SPATA6: variants seen among roughly 807,000 people sequenced by gnomAD.
SPATA6 encodes spermatogenesis associated 6.
A neutral mutation model predicts 65.3 loss-of-function variants in SPATA6; 56 were observed. That is an observed-to-expected ratio of 0.86 (90% confidence interval 0.69 to 1.07). SPATA6 has a LOEUF of 1.07. Among genes scored for constraint, SPATA6 ranks in the 50% least tolerant of loss-of-function variants. The pLI, the probability that SPATA6 is intolerant of heterozygous loss-of-function variation, is 0.00. For missense variants in SPATA6, 590 were observed against 594.8 expected (o/e 0.99, Z 0.08); for synonymous variants, 199 against 213.2 (o/e 0.93, Z 0.58).
chr1:48,318,811 G>C (rs981399060), intron 11 of SPATA6, among the ~76,000 whole-genome samples: 1 of 152,016 alleles, frequency 6.6e-6, no homozygotes, highest in Non-Finnish European at 1.5e-5. Flanking sequence ...ACCTAGAATA[G>C]TTATTCTTGA....
intron 5 of SPATA6, among the ~76,000 whole-genome samples, chr1:48,408,973 C>T (rs1200056371): frequency 6.6e-6 from 1 of 152,172 alleles, no homozygotes; most frequent in Non-Finnish European, 1.5e-5. Context: ...TCCCTGGACC[C>T]TCCCAAATCT....
rs1191679507 is a variant in SPATA6 at position 48,305,512 on chromosome 1, A to AT, written c.1286+274dup. Among the ~76,000 whole-genome samples the AT allele has an allele frequency of 3.3e-5, 5 of 152,094 alleles. 1 individual carries two copies. The highest frequency in any genetic ancestry group is 2.0e-4 in the Admixed American group (3 of 15,266). On this transcript the variant is annotated intron_variant, in intron 12 of 12. Coordinates refer to ENST00000371847, the MANE Select transcript of SPATA6 (RefSeq NM_019073.4). ...TTCATGGTGTAAAATTATAAGAACT[A>AT]TTTTTTATATTAAAATAAATACACA...
In SPATA6 at chr1:48,407,774, C is replaced by T. The variant is rs368766665; in HGVS notation, c.405+3690G>A. Among the ~76,000 whole-genome samples the T allele has an allele frequency of 1.8e-4, 28 of 152,120 alleles. 1 individual carries two copies. Among genetic ancestry groups the T allele is most frequent in the African/African-American group, 5.1e-4 (21 of 41,428 alleles). ...CTCTCAATCTCTTCAAACTGCCATT[C>T]GTAGAAGTCCTAATTTTTATATATT... On this transcript the variant is annotated intron_variant, in intron 5 of 12. Coordinates refer to ENST00000371847, the MANE Select transcript of SPATA6 (RefSeq NM_019073.4).
At chr1:48,392,444 CA>C (rs1557656971) in intron 8 of SPATA6, among the ~76,000 whole-genome samples, 3 of 152,022 alleles carry the variant, frequency 2.0e-5, no homozygotes, top group Non-Finnish European at 4.4e-5. Context: ...AAGGACTGCA[CA>C]AATTACAATT....
chr1:48,350,259 A>AT (rs71056664), intron 11 of SPATA6, among the ~76,000 whole-genome samples: 8 of 141,512 alleles, frequency 5.7e-5, no homozygotes, highest in Non-Finnish European at 7.7e-5. Context: ...TTGGTTATTT[A>AT]TTTTTTTTGT....
chr1:48,356,248 T>C (rs947813797), intron 10 of SPATA6, among the ~76,000 whole-genome samples: 10 of 152,114 alleles, frequency 6.6e-5, no homozygotes, highest in Admixed American at 3.9e-4. Flanking sequence ...ATCTAAAAAA[T>C]TGAAAAATAT....
chr1:48,321,697 T>C (rs1176574292), intron 11 of SPATA6, among the ~76,000 whole-genome samples: 1 of 152,128 alleles, frequency 6.6e-6, no homozygotes, highest in African/African-American at 2.4e-5. Flanking sequence ...GAACAGTTCA[T>C]CTAAGGGCTG....
rs1651842149 is a variant in SPATA6 at position 48,407,748 on chromosome 1, A to T, written c.405+3716T>A. 2.6e-5 allele frequency among the ~76,000 whole-genome samples: 4 copies of T among 152,082 alleles called. No individual in the cohort carries two copies. The South Asian group carries it at 8.3e-4, about 32-fold the overall frequency. Reference sequence around the variant, plus strand: ...GAAAATTTTGTCTAGTTTTATAAGAACTCTCAATCTCTTCAAACTGCCATT... The same window carrying T: ...GAAAATTTTGTCTAGTTTTATAAGATCTCTCAATCTCTTCAAACTGCCATT... On this transcript the variant is annotated intron_variant, in intron 5 of 12. Coordinates refer to ENST00000371847, the MANE Select transcript of SPATA6 (RefSeq NM_019073.4).
intron 11 of SPATA6, among the ~76,000 whole-genome samples, chr1:48,316,169 T>C (rs890665628): frequency 1.3e-5 from 2 of 152,056 alleles, no homozygotes; most frequent in African/African-American, 4.8e-5. Flanking sequence ...CTTCATAGAA[T>C]TGGAAAAAAC....
chr1:48,319,248 CAT>C (rs1255323181), intron 11 of SPATA6, among the ~76,000 whole-genome samples: 22 of 152,174 alleles, frequency 1.4e-4, no homozygotes, highest in Non-Finnish European at 2.8e-4. Context: ...CCAAAGAAAA[CAT>C]AGAAAAGTTG....
At chr1:48,415,641 A>C (rs747272283) in intron 3 of SPATA6, among the ~76,000 whole-genome samples, 1 of 119,968 alleles carries the variant, frequency 8.3e-6, no homozygotes, top group Non-Finnish European at 1.7e-5. Context: ...AGAAAAAAAG[A>C]CTGAAAAAAA....
At chr1:48,430,310 C>G (rs1171869871) in intron 3 of SPATA6, among the ~76,000 whole-genome samples, 1 of 151,998 alleles carries the variant, frequency 6.6e-6, no homozygotes, top group Non-Finnish European at 1.5e-5. Flanking sequence ...AACTGGAGGT[C>G]AGAAGGCAGT....
intron 3 of SPATA6, among the ~76,000 whole-genome samples, chr1:48,439,037 C>A (rs532512401): frequency 2.6e-5 from 4 of 152,296 alleles, no homozygotes; most frequent in African/African-American, 9.6e-5. Context: ...CCCTTCCAAC[C>A]CTGGAGATCC....
In SPATA6 at chr1:48,295,738, T is replaced by A. The variant is rs1644802512; in HGVS notation, c.*2975A>T. On this transcript the variant is annotated 3_prime_UTR_variant, in exon 13 of 13. Transcript: ENST00000371847. ...AGAGTGAATTATATCTCAATAAAGC[T>A]ATTATTAGCAAATGAACACAATAAT... 1.3e-5 allele frequency: 2 copies of A among 152,232 alleles called. No homozygotes were observed. The highest frequency in any genetic ancestry group is 6.5e-5 in the Admixed American group (1 of 15,270). 9.4% of individuals were successfully genotyped at this position (152,232 alleles called of 1,614,324 possible). A position where few individuals can be genotyped will look rare whatever the true frequency, so the allele number is the denominator to read the frequency against.
At chr1:48,333,820 T>TA (rs1477804623) in intron 11 of SPATA6, among the ~76,000 whole-genome samples, 6 of 151,638 alleles carry the variant, frequency 4.0e-5, no homozygotes, top group African/African-American at 9.7e-5. Flanking sequence ...AACAGAGACA[T>TA]AAAAAAACAT....
Position 48,418,615 on chromosome 1 carries a change from A to G in SPATA6, c.239-5464T>C, listed in dbSNP as rs139453144. 8.1e-3 allele frequency among the ~76,000 whole-genome samples: 1,206 copies of G among 149,646 alleles called. 23 individuals are homozygous for G. Among genetic ancestry groups the G allele is most frequent in the South Asian group, 0.04 (186 of 4,684 alleles). ...TGGTGGCATGTGCCTGTGGTCCCAG[A>G]TACTTGGGAGGCTGAGGTAGATCAC... On this transcript the variant is annotated intron_variant, in intron 3 of 12. Transcript: ENST00000371847.
At chr1:48,428,315 G>A (rs1273414102) in intron 3 of SPATA6, among the ~76,000 whole-genome samples, 1 of 152,120 alleles carries the variant, frequency 6.6e-6, no homozygotes, top group Non-Finnish European at 1.5e-5. Context: ...ATAGCTGGGC[G>A]TGGTGGCACA....
At chr1:48,306,525 A>G (rs72891535) in intron 11 of SPATA6, among the ~76,000 whole-genome samples, 3,755 of 152,070 alleles carry the variant, frequency 0.025, 101 homozygotes, top group African/African-American at 0.067. Context: ...TCACAGTTAA[A>G]TTCATATGTG....
At chr1:48,334,254 G>C (rs894264635) in intron 11 of SPATA6, among the ~76,000 whole-genome samples, 1 of 151,810 alleles carries the variant, frequency 6.6e-6, no homozygotes, top group African/African-American at 2.4e-5. Context: ...AATTGAGGAG[G>C]AGCTACTCCT....
Sources: allele counts gnomAD v4.1 joint callset (sites outside exome capture counted in the v4.1 genomes callset), GRCh38; gene constraint gnomAD v4.1.1; transcripts MANE v1.5; gene names NCBI Gene and HGNC (gene_info 2026-07-23, HGNC 2026-07-21).